Variants in GRAMD1B observed in about 807,000 individuals in gnomAD.
GRAMD1B encodes the protein GRAM domain containing 1B.
Under a neutral mutation model 99.7 loss-of-function variants are expected in GRAMD1B, and 37 were observed. The observed-to-expected ratio is 0.37, with a 90% CI of 0.29 to 0.49. The LOEUF is 0.49. Ranked by LOEUF, GRAMD1B falls within the 20% of genes least tolerant of loss-of-function variation. GRAMD1B has a pLI of 0.98. For synonymous variants in GRAMD1B, 427 were observed against 387.6 expected, an observed-to-expected ratio of 1.10 and a Z score of -1.19; for missense variants, 888 against 1,009.2, an observed-to-expected ratio of 0.88 and a Z score of 1.63.
chr11:123,541,961 A>G (rs898965506), intron 2 of GRAMD1B, among the ~76,000 whole-genome samples: 2 of 152,248 alleles, frequency 1.3e-5, no homozygotes, highest in African/African-American at 2.4e-5. Flanking sequence ...TTTGACAGTC[A>G]TGTCCATTTT....
chr11:123,376,670 C>A (rs538331752), intron 1 of GRAMD1B, among the ~76,000 whole-genome samples: 1 of 152,292 alleles, frequency 6.6e-6, no homozygotes, highest in African/African-American at 2.4e-5. Context: ...CTCTCATTTG[C>A]AAATATGGGC....
At chr11:123,385,151 G>A (rs1342144105) in intron 1 of GRAMD1B, among the ~76,000 whole-genome samples, 1 of 152,162 alleles carries the variant, frequency 6.6e-6, no homozygotes, top group Non-Finnish European at 1.5e-5. Context: ...TTTACACTAT[G>A]CCAATTCTTC....
intron 2 of GRAMD1B, chr11:123,559,585 C>T (rs908416768): frequency 1.4e-6 from 1 of 708,548 alleles, no homozygotes; most frequent in African/African-American, 1.9e-5. Context: ...TGGGGGCTGT[C>T]TGAGTACTAA....
chr11:123,577,324 C>T, intron 2 of GRAMD1B, 43 bp from the exon 3 acceptor site: 1 of 1,495,724 alleles, frequency 6.7e-7, no homozygotes, highest in Non-Finnish European at 9.1e-7. Context: ...TTTCCTCCTC[C>T]TTCTCTTTCC....
chr11:123,580,133 G>A lies in GRAMD1B; in HGVS notation c.663+2556G>A, dbSNP rs1233079031. Among the ~76,000 whole-genome samples, 7 of 152,214 alleles carry A rather than the reference G, an allele frequency of 4.6e-5. No individual in the cohort carries two copies. In the East Asian group the frequency reaches 1.3e-3, roughly 29 times the overall value. ...TTTCAATGGAGTTAAAAGAGGACGG[G>A]CTTGTGCCAGGAGGGACACTGTAGC... is the stretch of plus-strand genomic sequence containing the variant. On this transcript the variant is annotated intron_variant, in intron 3 of 19. Coordinates refer to ENST00000635736, the MANE Select transcript of GRAMD1B (RefSeq NM_001387025.1).
At chr11:123,546,114 C>G (rs1945018705) in intron 2 of GRAMD1B, among the ~76,000 whole-genome samples, 1 of 152,210 alleles carries the variant, frequency 6.6e-6, no homozygotes, top group Admixed American at 6.5e-5. Context: ...AGCTGCAGGC[C>G]AGGAATAGCT....
intron 2 of GRAMD1B, among the ~76,000 whole-genome samples, chr11:123,498,491 T>C (rs981381671): frequency 6.6e-6 from 1 of 152,236 alleles, no homozygotes; most frequent in African/African-American, 2.4e-5. Context: ...TTATATGAAA[T>C]TAAAACCAGT....
chr11:123,501,401 C>T (rs967644724), intron 2 of GRAMD1B, among the ~76,000 whole-genome samples: 1 of 152,060 alleles, frequency 6.6e-6, no homozygotes, highest in Non-Finnish European at 1.5e-5. Flanking sequence ...GAATTCCTGG[C>T]CTCAAGTGAT....
intron 2 of GRAMD1B, among the ~76,000 whole-genome samples, chr11:123,518,491 T>G (rs1273171901): frequency 6.6e-6 from 1 of 152,186 alleles, no homozygotes; most frequent in African/African-American, 2.4e-5. Flanking sequence ...TCCCAATGTA[T>G]GGCCTGGCTA....
intron 1 of GRAMD1B, among the ~76,000 whole-genome samples, chr11:123,416,706 T>C (rs1212739296): frequency 6.6e-6 from 1 of 152,226 alleles, no homozygotes; most frequent in Non-Finnish European, 1.5e-5. Context: ...ACTTGTTGCC[T>C]GAATGGATGT....
chr11:123,371,089 T>G (rs1946513217), intron 1 of GRAMD1B, among the ~76,000 whole-genome samples: 1 of 121,180 alleles, frequency 8.3e-6, no homozygotes, highest in African/African-American at 3.1e-5. Context: ...CACTTTAAGA[T>G]TCTAGGCTGA....
At chr11:123,451,484 A>T (rs1949885699) in intron 1 of GRAMD1B, among the ~76,000 whole-genome samples, 1 of 152,186 alleles carries the variant, frequency 6.6e-6, no homozygotes, top group South Asian at 2.1e-4. Flanking sequence ...CGTGTGTTGT[A>T]TCTGACATTA....
chr11:123,514,857 C>T (rs778407135), intron 2 of GRAMD1B, among the ~76,000 whole-genome samples: 1 of 152,198 alleles, frequency 6.6e-6, no homozygotes, highest in African/African-American at 2.4e-5. Flanking sequence ...ACATCTATCT[C>T]TCCCCACTAG....
intron 1 of GRAMD1B, among the ~76,000 whole-genome samples, chr11:123,362,968 G>T (rs1323097248): frequency 6.6e-6 from 1 of 152,118 alleles, no homozygotes; most frequent in Admixed American, 6.6e-5. Context: ...GGGTAGGGTG[G>T]CGGAGAGAGG....
rs1166431425 is a variant in GRAMD1B at position 123,626,675 on chromosome 11, C to T, written c.*4080C>T. The T allele has an allele frequency of 6.6e-6, 1 of 152,380 alleles. No individual in the cohort carries two copies. The highest frequency in any genetic ancestry group is 1.9e-4 in the East Asian group (1 of 5,196). The allele number at this position is 152,380 out of a possible 1,614,324, so 9.4% of individuals were successfully genotyped here. A position where few individuals can be genotyped will look rare whatever the true frequency, so the allele number is the denominator to read the frequency against. ...ATCTCCGGGGCCCCTTCCTGACTCT[C>T]CCCACCTTCGCCACTTGTCTCTAGG... On this transcript the variant is annotated 3_prime_UTR_variant, in exon 20 of 20. Transcript: ENST00000635736.
intron 1 of GRAMD1B, among the ~76,000 whole-genome samples, chr11:123,380,695 T>A (rs1946842409): frequency 6.6e-6 from 1 of 152,198 alleles, no homozygotes; most frequent in Non-Finnish European, 1.5e-5. Context: ...CTGCCTCCTG[T>A]CCTGTGTCCT....
intron 1 of GRAMD1B, among the ~76,000 whole-genome samples, chr11:123,402,102 G>A (rs760337712): frequency 2.0e-5 from 3 of 152,114 alleles, no homozygotes; most frequent in Admixed American, 1.3e-4. Flanking sequence ...TGCAACCTCC[G>A]CTTCCCTGGT....
intron 2 of GRAMD1B, among the ~76,000 whole-genome samples, chr11:123,498,421 G>A (rs192936520): frequency 4.3e-4 from 65 of 152,328 alleles, no homozygotes; most frequent in African/African-American, 1.6e-3. Flanking sequence ...GGAGAATAAC[G>A]GAGGGGAGGC....
intron 1 of GRAMD1B, among the ~76,000 whole-genome samples, chr11:123,450,429 G>A (rs1003374497): frequency 1.3e-5 from 2 of 152,072 alleles, no homozygotes; most frequent in Non-Finnish European, 2.9e-5. Context: ...GCCAGATACC[G>A]TTCCTAACAC....
Sources: gnomAD v4.1 joint callset for allele counts (sites outside exome capture counted in the v4.1 genomes callset) on GRCh38, gnomAD v4.1.1 for gene constraint, MANE v1.5 for transcripts, NCBI Gene and HGNC (gene_info 2026-07-23, HGNC 2026-07-21) for gene names.